TEX101: variants seen among roughly 807,000 people sequenced by gnomAD.
TEX101 encodes testis expressed 101.
A neutral mutation model predicts 18.1 loss-of-function variants in TEX101; 10 were observed. The observed-to-expected ratio is 0.55, with a 90% CI of 0.34 to 0.94. The LOEUF is 0.94. Among genes scored for constraint, TEX101 ranks in the 40% least tolerant of loss-of-function variants. TEX101 has a pLI of 0.02. For synonymous variants in TEX101, 94 were observed against 114.8 expected (o/e 0.82, Z 1.16); for missense variants, 259 against 298.9 (o/e 0.87, Z 0.98).
chr19:43,409,974 CTG>C (rs1431652052), upstream of TEX101, among the ~76,000 whole-genome samples: 2 of 152,062 alleles, frequency 1.3e-5, no homozygotes, highest in Admixed American at 1.3e-4. Context: ...GAGTTTGAGG[CTG>C]CAGTGAGCTG....
Position 43,416,569 on chromosome 19 carries a change from G to C in TEX101, c.391+14G>C, listed in dbSNP as rs749495666. ...GTGAGACCACAGGTACCCTGGAAGT[G>C]GGGGAGATAGGTACTAAGAGAAACT... is the stretch of plus-strand genomic sequence containing the variant. On this transcript the variant is annotated intron_variant, in intron 4 of 5. Coordinates refer to ENST00000598265, the MANE Select transcript of TEX101 (RefSeq NM_001130011.3). 4.4e-6 allele frequency: 7 copies of C among 1,608,350 alleles called. No individual in the cohort carries two copies. In the East Asian group the frequency reaches 1.6e-4, roughly 36 times the overall value.
At chr19:43,414,184 T>C (rs1305507850), upstream of TEX101, among the ~76,000 whole-genome samples, 2 of 151,638 alleles carry the variant, frequency 1.3e-5, no homozygotes, top group Non-Finnish European at 2.9e-5. Context: ...GTTACATAGA[T>C]GTGAAAGTGA....
upstream of TEX101, among the ~76,000 whole-genome samples, chr19:43,413,461 C>G (rs572424979): frequency 6.6e-6 from 1 of 150,670 alleles, no homozygotes; most frequent in Non-Finnish European, 1.5e-5. Flanking sequence ...GAGATTGCAC[C>G]ACTGCACTCC....
chr19:43,410,266 A>T (rs911082115), upstream of TEX101, among the ~76,000 whole-genome samples: 1 of 152,166 alleles, frequency 6.6e-6, no homozygotes, highest in Non-Finnish European at 1.5e-5. Context: ...CATTGGAGGA[A>T]TGGGCTTTGA....
the TEX101 span, among the ~76,000 whole-genome samples, chr19:43,390,460 C>CTTTCT: frequency 4.0e-5 from 2 of 49,858 alleles, no homozygotes; most frequent in African/African-American, 1.7e-4. Flanking sequence ...CTTTTTTTTT[C>CTTTCT]TTTTTTTTTT....
At chr19:43,392,812 T>C in the TEX101 span, among the ~76,000 whole-genome samples, 19 of 152,110 alleles carry the variant, frequency 1.2e-4, no homozygotes, top group South Asian at 3.5e-3. Context: ...AATCCCAGCA[T>C]TTTGGGAGGC....
chr19:43,391,254 A>G, the TEX101 span, among the ~76,000 whole-genome samples: 1 of 152,180 alleles, frequency 6.6e-6, no homozygotes, highest in East Asian at 1.9e-4. Flanking sequence ...TTCTTTTCGG[A>G]ATATACCAGA....
the TEX101 span, among the ~76,000 whole-genome samples, chr19:43,393,185 G>C: frequency 1.3e-5 from 2 of 152,176 alleles, no homozygotes; most frequent in African/African-American, 2.4e-5. Flanking sequence ...GAGATGAAAA[G>C]ACACAAAGTG....
At chr19:43,400,141 G>A (rs1315556366), upstream of TEX101, among the ~76,000 whole-genome samples, 1 of 152,098 alleles carries the variant, frequency 6.6e-6, no homozygotes, top group African/African-American at 2.4e-5. Context: ...CATGACCCTT[G>A]TAGTATATGA....
upstream of TEX101, among the ~76,000 whole-genome samples, chr19:43,411,297 G>C (rs779426394): frequency 6.6e-6 from 1 of 151,904 alleles, no homozygotes; most frequent in Non-Finnish European, 1.5e-5. Flanking sequence ...GGCTGGTCTC[G>C]AACTCCTGAT....
chr19:43,408,198 T>C (rs1970387046), intron 3 of TEX101, among the ~76,000 whole-genome samples: 3 of 152,322 alleles, frequency 2.0e-5, no homozygotes, highest in East Asian at 1.9e-4. Flanking sequence ...TTCCGAGGGC[T>C]GCAAGGAACA....
chr19:43,394,617 C>T, the TEX101 span, among the ~76,000 whole-genome samples: 1 of 152,032 alleles, frequency 6.6e-6, no homozygotes, highest in African/African-American at 2.4e-5. Context: ...ACTACAAGCA[C>T]GTGCCACCAC....
chr19:43,397,151 A>G (rs1021860839), upstream of TEX101, among the ~76,000 whole-genome samples: 1 of 152,062 alleles, frequency 6.6e-6, no homozygotes, highest in African/African-American at 2.4e-5. Flanking sequence ...TCAGCTTTTT[A>G]TTATGAAGCT....
At chr19:43,399,456 C>G (rs1970300853), upstream of TEX101, among the ~76,000 whole-genome samples, 1 of 151,976 alleles carries the variant, frequency 6.6e-6, no homozygotes, top group African/African-American at 2.4e-5. Flanking sequence ...TTAAGCATTC[C>G]AAAATGGCAA....
At chr19:43,397,240 G>A (rs578216893), upstream of TEX101, among the ~76,000 whole-genome samples, 1 of 152,260 alleles carries the variant, frequency 6.6e-6, no homozygotes, top group East Asian at 1.9e-4. Context: ...GCTTTACTGG[G>A]CCTGAAGGGT....
At position 43,418,519 on chromosome 19, in the gene TEX101, C is replaced by T. The variant is rs1033520856; in HGVS notation, c.*122C>T. 3 of 762,096 alleles carry T rather than the reference C, an allele frequency of 3.9e-6. No individual in the cohort carries two copies. The highest frequency in any genetic ancestry group is 1.8e-5 in the African/African-American group (1 of 57,110). The allele number at this position is 762,096 out of a possible 1,614,324, so 47.2% of individuals were successfully genotyped here. A position where few individuals can be genotyped will look rare whatever the true frequency, so the allele number is the denominator to read the frequency against. On this transcript the variant is annotated 3_prime_UTR_variant, in exon 6 of 6. Transcript: ENST00000598265. The stretch of plus-strand genomic sequence containing the variant: ...AGGGAGAATACAGAGATACTATGAA[C>T]GTATTTGACATTTTTAATACAATTT...
intron 3 of TEX101, among the ~76,000 whole-genome samples, chr19:43,408,430 T>G (rs1970390028): frequency 6.6e-6 from 1 of 152,108 alleles, no homozygotes; most frequent in Admixed American, 6.5e-5. Context: ...ATCTGAGCCG[T>G]GGGCCGGTAG....
the TEX101 span, among the ~76,000 whole-genome samples, chr19:43,390,460 CTTTTTTTTTTTTT>C: frequency 2.0e-5 from 1 of 49,856 alleles, no homozygotes; most frequent in Non-Finnish European, 3.4e-5. Context: ...CTTTTTTTTT[CTTTTTTTTTTTTT>C]TTTTTTTTTT....
the TEX101 span, among the ~76,000 whole-genome samples, chr19:43,391,271 A>G: frequency 6.6e-6 from 1 of 152,202 alleles, no homozygotes; most frequent in African/African-American, 2.4e-5. Context: ...CAGAAGCCGA[A>G]TTGCTGCATC....
Sources: allele counts gnomAD v4.1 joint callset (sites outside exome capture counted in the v4.1 genomes callset), GRCh38; gene constraint gnomAD v4.1.1; transcripts MANE v1.5; gene names NCBI Gene and HGNC (gene_info 2026-07-23, HGNC 2026-07-21).